Variants in PDE1A observed in about 807,000 individuals in gnomAD.
PDE1A encodes phosphodiesterase 1A.
Under a neutral mutation model 61.7 loss-of-function variants are expected in PDE1A, and 35 were observed. That is an observed-to-expected ratio of 0.57 (90% CI 0.43 to 0.75). The LOEUF (loss-of-function observed/expected upper bound fraction) is 0.75. Among genes scored for constraint, PDE1A ranks in the 30% least tolerant of loss-of-function variants. The pLI is 0.00. For missense variants in PDE1A, 597 were observed against 630.6 expected, an observed-to-expected ratio of 0.95 and a Z score of 0.57; for synonymous variants, 232 against 213.2, an observed-to-expected ratio of 1.09 and a Z score of -0.77.
At chr2:182,191,701 CTTTT>C (rs11314814) in intron 10 of PDE1A, among the ~76,000 whole-genome samples, 23 of 139,388 alleles carry the variant, frequency 1.7e-4, no homozygotes, top group South Asian at 4.5e-4. Context: ...CTATATTTAA[CTTTT>C]TTTTTTTTTT....
downstream of PDE1A, among the ~76,000 whole-genome samples, chr2:182,166,986 A>G (rs529407111): frequency 1.3e-5 from 2 of 152,284 alleles, no homozygotes; most frequent in East Asian, 3.9e-4. Context: ...AGCTAACCTT[A>G]AACTGAATTA....
intron 8 of PDE1A, 57 bp from the exon 9 acceptor site, chr2:182,201,846 A>T: frequency 2.2e-5 from 22 of 1,018,164 alleles, no homozygotes; most frequent in Non-Finnish European, 3.2e-5. Context: ...TCTGAAGTGG[A>T]ACACTTCAAT....
intron 1 of PDE1A, among the ~76,000 whole-genome samples, chr2:182,349,048 T>C (rs1443249127): frequency 6.6e-6 from 1 of 152,144 alleles, no homozygotes; most frequent in Non-Finnish European, 1.5e-5. Context: ...TAAAATGTCA[T>C]TGCTATAGTG....
intron 1 of PDE1A, among the ~76,000 whole-genome samples, chr2:182,292,259 T>G (rs1694586912): frequency 6.6e-6 from 1 of 152,062 alleles, no homozygotes; most frequent in African/African-American, 2.4e-5. Context: ...GAGAAATTTA[T>G]TTTTTGGTTA....
chr2:182,493,377 C>T (rs978986650), intron 2 of PDE1A, among the ~76,000 whole-genome samples: 2 of 151,952 alleles, frequency 1.3e-5, no homozygotes, highest in Admixed American at 1.3e-4. Flanking sequence ...TGGTGTGCTG[C>T]ACCCATTAAC....
chr2:182,189,039 C>G, exon 11 of PDE1A: 4 of 1,612,518 alleles, frequency 2.5e-6, no homozygotes, highest in Non-Finnish European at 3.4e-6. Flanking sequence ...AATGGAAGCC[C>G]TAATTCAGCT....
At chr2:182,311,979 G>A (rs1220333908) in intron 1 of PDE1A, among the ~76,000 whole-genome samples, 2 of 152,088 alleles carry the variant, frequency 1.3e-5, no homozygotes, top group African/African-American at 2.4e-5. Context: ...CCTAATAGAT[G>A]TGTAGTGGTA....
upstream of PDE1A, among the ~76,000 whole-genome samples, chr2:182,431,206 A>T (rs1167629075): frequency 4.0e-5 from 6 of 149,796 alleles, no homozygotes; most frequent in Non-Finnish European, 8.9e-5. Context: ...AGCCTTGTGT[A>T]TGATTAGAGT....
chr2:182,233,973 CT>C (rs1168073606), intron 4 of PDE1A, among the ~76,000 whole-genome samples: 2 of 152,108 alleles, frequency 1.3e-5, no homozygotes, highest in African/African-American at 4.8e-5. Context: ...TTAATTTTAT[CT>C]TACATTTTGT....
chr2:182,613,608 T>G, the PDE1A span, among the ~76,000 whole-genome samples: 1 of 152,158 alleles, frequency 6.6e-6, no homozygotes, highest in Non-Finnish European at 1.5e-5. Context: ...TATACTTTGT[T>G]TTTATACAGG....
chr2:182,645,361 G>A, the PDE1A span, among the ~76,000 whole-genome samples: 6 of 152,240 alleles, frequency 3.9e-5, no homozygotes, highest in East Asian at 1.2e-3. Context: ...AAATATTTCT[G>A]TGAGGGCATT....
chr2:182,186,078 A>C, exon 13 of PDE1A: 1 of 1,612,992 alleles, frequency 6.2e-7, no homozygotes, highest in Non-Finnish European at 8.5e-7. Context: ...ATGGTGGTTG[A>C]GCTAACAGTA....
the PDE1A span, among the ~76,000 whole-genome samples, chr2:182,561,323 C>A: frequency 6.6e-6 from 1 of 152,192 alleles, no homozygotes; most frequent in East Asian, 1.9e-4. Context: ...ATCCTTTCCC[C>A]ATTGCTTGTT....
intron 1 of PDE1A, among the ~76,000 whole-genome samples, chr2:182,412,832 G>A (rs1702696232): frequency 6.6e-6 from 1 of 152,162 alleles, no homozygotes; most frequent in African/African-American, 2.4e-5. Flanking sequence ...AATAGGACAT[G>A]CATTAAACAA....
rs189174043 is a variant in PDE1A, at chr2:182,426,560, C to A, written c.53+18G>T. 63 of 1,537,900 alleles carry A rather than the reference C, an allele frequency of 4.1e-5. No individual in the cohort carries two copies. The highest frequency in any genetic ancestry group is 5.3e-5 in the Non-Finnish European group (59 of 1,111,950). ...TTCCTGACAGCCCTAGAGCCACCTG[C>A]GATGTAGCATTACTTACCTAAAGAT... On this transcript the variant is annotated intron_variant, in intron 1 of 13. Transcript: ENST00000351439.
intron 7 of PDE1A, among the ~76,000 whole-genome samples, chr2:182,212,470 G>A (rs2125539944): frequency 6.6e-6 from 1 of 152,310 alleles, no homozygotes; most frequent in South Asian, 2.1e-4. Flanking sequence ...GAGCGACGCA[G>A]AAGACGGTGA....
chr2:182,637,215 CATCCTATAA>C, the PDE1A span, among the ~76,000 whole-genome samples: 5 of 152,322 alleles, frequency 3.3e-5, no homozygotes, highest in Middle Eastern at 3.4e-3. Flanking sequence ...TCTTCCTAGA[CATCCTATAA>C]CTGCATCCAG....
the PDE1A span, among the ~76,000 whole-genome samples, chr2:182,588,901 G>A: frequency 1.4e-4 from 22 of 151,910 alleles, no homozygotes; most frequent in East Asian, 3.9e-3. Flanking sequence ...AAATTAGCCA[G>A]GCATGATGGC....
chr2:182,340,311 T>C (rs1169176873), intron 1 of PDE1A, among the ~76,000 whole-genome samples: 2 of 152,202 alleles, frequency 1.3e-5, no homozygotes, highest in Non-Finnish European at 2.9e-5. Flanking sequence ...GCATGGGTAA[T>C]GCCTGCTCTC....
Sources: allele counts gnomAD v4.1 joint callset (sites outside exome capture counted in the v4.1 genomes callset), GRCh38; gene constraint gnomAD v4.1.1; transcripts MANE v1.5; gene names NCBI Gene and HGNC (gene_info 2026-07-23, HGNC 2026-07-21).